LEKR1: variants seen among roughly 807,000 people sequenced by gnomAD.
LEKR1 encodes leucine, glutamate and lysine rich 1.
In LEKR1, 59 loss-of-function variants were observed where a neutral mutation model predicts 72.4. The ratio of observed to expected loss-of-function variants is 0.82; its 90% CI spans 0.66 to 1.01. The LOEUF is 1.01. LEKR1 is among the 50% of genes least tolerant of loss of function. The pLI is 0.00. For synonymous variants in LEKR1, 257 were observed against 263.2 expected, an observed-to-expected ratio of 0.98 and a Z score of 0.23; for missense variants, 728 against 759.2, an observed-to-expected ratio of 0.96 and a Z score of 0.48.
At chr3:156,971,623 A>T (rs1200593649) in intron 6 of LEKR1, among the ~76,000 whole-genome samples, 5 of 152,186 alleles carry the variant, frequency 3.3e-5, no homozygotes, top group East Asian at 1.9e-4. Flanking sequence ...GAATCTACAA[A>T]GAACTCAAAC....
At chr3:156,918,944 G>A (rs767885732) in intron 3 of LEKR1, among the ~76,000 whole-genome samples, 8 of 152,120 alleles carry the variant, frequency 5.3e-5, no homozygotes, top group Admixed American at 2.0e-4. Context: ...CGGCCTCATC[G>A]GAGGTGTTTG....
rs139276879 is a variant in LEKR1 at position 157,020,255 on chromosome 3, TTTATTA to T, written c.1204-4470_1204-4465del. Among the ~76,000 whole-genome samples, 918 of 140,370 alleles carry T rather than the reference TTTATTA, an allele frequency of 6.5e-3. 3 individuals are homozygous for T. Among genetic ancestry groups the T allele is most frequent in the African/African-American group, 0.011 (402 of 38,142 alleles). The allele number at this position is 140,370 out of a possible 152,430, so 92.1% of individuals were successfully genotyped here. On this transcript the variant is annotated intron_variant, in intron 10 of 12. Transcript: ENST00000356539. ...ATCAAAGGGACCCTGCTGATTTTCTTTTATTATTATTATTATTATTATTATTATTAT... is the reference window on the plus strand; with the variant it reads ...ATCAAAGGGACCCTGCTGATTTTCTTTTATTATTATTATTATTATTATTAT...
At chr3:156,836,570 G>T (rs1379438499) in intron 2 of LEKR1, among the ~76,000 whole-genome samples, 1 of 152,130 alleles carries the variant, frequency 6.6e-6, no homozygotes, top group Non-Finnish European at 1.5e-5. Context: ...CTATACTCTA[G>T]CCAGGACAAA....
chr3:156,881,426 A>C, intron 3 of LEKR1, among the ~76,000 whole-genome samples: 1 of 152,214 alleles, frequency 6.6e-6, no homozygotes, highest in Non-Finnish European at 1.5e-5. Context: ...TAAAATACCT[A>C]GGAATCCAAC....
At chr3:157,007,188 G>A (rs557207885) in intron 9 of LEKR1, among the ~76,000 whole-genome samples, 6 of 152,192 alleles carry the variant, frequency 3.9e-5, no homozygotes, top group African/African-American at 1.4e-4. Flanking sequence ...GCCACAGAGC[G>A]AGACTCTGTC....
chr3:156,935,496 C>T (rs1364170141), intron 5 of LEKR1, among the ~76,000 whole-genome samples: 1 of 152,066 alleles, frequency 6.6e-6, no homozygotes, highest in East Asian at 1.9e-4. Context: ...TCAATTTGAA[C>T]ACATTTTAAA....
At chr3:156,886,273 G>GT (rs1188186700) in intron 3 of LEKR1, among the ~76,000 whole-genome samples, 1 of 152,102 alleles carries the variant, frequency 6.6e-6, no homozygotes, top group Non-Finnish European at 1.5e-5. Flanking sequence ...CTCCCACACA[G>GT]TTGGAGAGGC....
intron 3 of LEKR1, among the ~76,000 whole-genome samples, chr3:156,875,580 C>A (rs1303066677): frequency 2.0e-5 from 3 of 152,004 alleles, no homozygotes; most frequent in African/African-American, 7.2e-5. Flanking sequence ...CTTTTGGGTT[C>A]TTGGTCATGA....
chr3:157,032,829 A>T (rs1734713503), intron 12 of LEKR1, among the ~76,000 whole-genome samples: 1 of 152,086 alleles, frequency 6.6e-6, no homozygotes, highest in Non-Finnish European at 1.5e-5. Context: ...TTCCCCACAA[A>T]TTGAAGGTTT....
intron 5 of LEKR1, among the ~76,000 whole-genome samples, chr3:156,933,943 T>C (rs1176784457): frequency 2.0e-5 from 3 of 152,168 alleles, no homozygotes; most frequent in Non-Finnish European, 1.5e-5. Flanking sequence ...CTGTACAATA[T>C]GTGAAAAGAG....
intron 3 of LEKR1, among the ~76,000 whole-genome samples, chr3:156,910,095 G>A (rs1040112195): frequency 6.6e-6 from 1 of 152,066 alleles, no homozygotes; most frequent in African/African-American, 2.4e-5. Flanking sequence ...TGAAAAAAGA[G>A]GATTCCTTAA....
chr3:156,872,718 A>T (rs577580076), intron 3 of LEKR1, among the ~76,000 whole-genome samples: 1 of 151,970 alleles, frequency 6.6e-6, no homozygotes, highest in African/African-American at 2.4e-5. Flanking sequence ...GTTCAGGAGC[A>T]TGTTGTTTAA....
chr3:156,836,703 C>A (rs1242914696), intron 2 of LEKR1, among the ~76,000 whole-genome samples: 2 of 152,144 alleles, frequency 1.3e-5, no homozygotes, highest in African/African-American at 4.8e-5. Flanking sequence ...AGACAGCAAG[C>A]ATTTTTACAA....
intron 2 of LEKR1, among the ~76,000 whole-genome samples, chr3:156,842,572 G>T (rs1416828852): frequency 2.6e-5 from 4 of 152,126 alleles, no homozygotes. Flanking sequence ...ATTTGAAAAT[G>T]ACTATGCCAC....
intron 9 of LEKR1, among the ~76,000 whole-genome samples, chr3:156,995,760 A>G (rs1218507459): frequency 1.3e-5 from 2 of 152,176 alleles, no homozygotes; most frequent in African/African-American, 2.4e-5. Flanking sequence ...TGAACCTGGG[A>G]GGCAAAGATT....
chr3:156,900,044 A>C (rs1721853954), intron 3 of LEKR1, among the ~76,000 whole-genome samples: 1 of 152,162 alleles, frequency 6.6e-6, no homozygotes, highest in Non-Finnish European at 1.5e-5. Context: ...TTTTTGAATT[A>C]GGTAGTATGG....
chr3:156,904,217 G>A (rs1722307392), intron 3 of LEKR1, among the ~76,000 whole-genome samples: 1 of 152,046 alleles, frequency 6.6e-6, no homozygotes, highest in East Asian at 1.9e-4. Flanking sequence ...TTTTATTAAG[G>A]ATACTTTAAA....
At chr3:156,852,632 C>G (rs1576664691) in intron 2 of LEKR1, 136 bp from the exon 3 acceptor site, 1 of 430,998 alleles carries the variant, frequency 2.3e-6, no homozygotes, top group East Asian at 3.4e-5. Flanking sequence ...CAAGTGTTAG[C>G]AATGTCGTAA....
At chr3:157,004,946 G>C (rs1294775410) in intron 9 of LEKR1, among the ~76,000 whole-genome samples, 2 of 151,914 alleles carry the variant, frequency 1.3e-5, no homozygotes, top group African/African-American at 2.4e-5. Context: ...AAATATCAGA[G>C]TTGTAATCAA....
Sources: allele counts gnomAD v4.1 joint callset (sites outside exome capture counted in the v4.1 genomes callset), GRCh38; gene constraint gnomAD v4.1.1; transcripts MANE v1.5; gene names NCBI Gene and HGNC (gene_info 2026-07-23, HGNC 2026-07-21).